Variants in ZNF254 observed in about 807,000 individuals in gnomAD.
The protein encoded by ZNF254 is CTD-2017D11.1.
A neutral mutation model predicts 12.4 loss-of-function variants in ZNF254; 10 were observed. That is an observed-to-expected ratio of 0.80 (90% CI 0.50 to 1.36). The LOEUF is 1.36. ZNF254 is among the 40% of genes most tolerant of loss of function. The probability of loss-of-function intolerance (pLI) is 0.00; values close to 1 mark genes in which losing one functional copy is unlikely to be tolerated. For missense variants in ZNF254, 996 were observed against 763.9 expected (o/e 1.30, Z -3.58); for synonymous variants, 305 against 253.4 (o/e 1.20, Z -1.93).
At chr19:24,033,813 G>T (rs74568507) in intron 1 of ZNF254, among the ~76,000 whole-genome samples, 1 of 152,190 alleles carries the variant, frequency 6.6e-6, no homozygotes, top group African/African-American at 2.4e-5. Flanking sequence ...TCCCTGCGGC[G>T]CCCAGTCTGG....
chr19:24,125,304 CT>C (rs1393383170), intron 3 of ZNF254, among the ~76,000 whole-genome samples: 1 of 134,000 alleles, frequency 7.5e-6, no homozygotes, highest in Non-Finnish European at 1.6e-5. Flanking sequence ...GATATCTTAA[CT>C]ATTTTTTATT....
chr19:24,043,235 A>G (rs1599574578), intron 1 of ZNF254, among the ~76,000 whole-genome samples: 1 of 152,122 alleles, frequency 6.6e-6, no homozygotes, highest in African/African-American at 2.4e-5. Flanking sequence ...TAAAAATCTA[A>G]AATATAACAT....
chr19:24,105,853 C>T, intron 1 of ZNF254, 87 bp from the exon 2 acceptor site: 1 of 1,525,980 alleles, frequency 6.6e-7, no homozygotes, highest in Non-Finnish European at 8.9e-7. Context: ...AGAACCAGTT[C>T]TATTTACTCT....
At chr19:24,081,861 G>T (rs976395070) in intron 2 of ZNF254, among the ~76,000 whole-genome samples, 2 of 152,124 alleles carry the variant, frequency 1.3e-5, no homozygotes, top group African/African-American at 4.8e-5. Context: ...AGTATCTCAC[G>T]CCTGTAATCC....
At chr19:24,111,704 T>G (rs891618369) in intron 3 of ZNF254, among the ~76,000 whole-genome samples, 3 of 152,258 alleles carry the variant, frequency 2.0e-5, no homozygotes, top group Admixed American at 6.5e-5. Flanking sequence ...TGATGGCCAG[T>G]GATGATGAGC....
chr19:24,112,630 C>A (rs936093022), intron 3 of ZNF254, among the ~76,000 whole-genome samples: 3 of 151,516 alleles, frequency 2.0e-5, no homozygotes. Context: ...TTTCATTGAG[C>A]AGTGGTTTGT....
At chr19:24,053,835 C>T (rs1324379464) in intron 2 of ZNF254, among the ~76,000 whole-genome samples, 10 of 151,766 alleles carry the variant, frequency 6.6e-5, no homozygotes, top group Non-Finnish European at 1.2e-4. Flanking sequence ...GGGAGGATTG[C>T]GGCATATCAC....
chr19:24,055,900 T>A (rs1463394062), intron 2 of ZNF254, among the ~76,000 whole-genome samples: 1 of 152,202 alleles, frequency 6.6e-6, no homozygotes, highest in African/African-American at 2.4e-5. Context: ...CTCCTTTACC[T>A]AAAACCGGAA....
chr19:24,125,104 G>A (rs1974738480), intron 3 of ZNF254, among the ~76,000 whole-genome samples: 1 of 151,922 alleles, frequency 6.6e-6, no homozygotes, highest in Admixed American at 6.6e-5. Flanking sequence ...AGTTTTATCT[G>A]GCAGCTTCAA....
In ZNF254 at chr19:24,048,003, C is replaced by CTTTTTTTTTTTTTTTTTT. The variant is rs398034320; in HGVS notation, c.-94+1730_-94+1747dup. ...CACCCGGCTCTTTTTTTCTTTTCTT[C>CTTTTTTTTTTTTTTTTTT]TTTTTTTTTTTTTTTTTTTTTTTGC... On this transcript the variant is annotated intron_variant, in intron 2 of 4. Transcript: ENST00000613065. 2.5e-3 allele frequency among the ~76,000 whole-genome samples: 175 copies of CTTTTTTTTTTTTTTTTTT among 68,806 alleles called. 7 individuals carry two copies. The highest frequency in any genetic ancestry group is 4.6e-3 in the South Asian group (7 of 1,532). 45.1% of individuals were successfully genotyped at this position (68,806 alleles called of 152,430 possible). A position where few individuals can be genotyped will look rare whatever the true frequency, so the allele number is the denominator to read the frequency against.
intron 2 of ZNF254, among the ~76,000 whole-genome samples, chr19:24,049,709 C>T (rs764790725): frequency 1.3e-5 from 2 of 152,016 alleles, no homozygotes; most frequent in Non-Finnish European, 2.9e-5. Flanking sequence ...TTATGTGACT[C>T]TTCTGCCTGT....
intron 1 of ZNF254, among the ~76,000 whole-genome samples, chr19:24,041,681 CA>C (rs1970170094): frequency 6.6e-6 from 1 of 152,264 alleles, no homozygotes; most frequent in African/African-American, 2.4e-5. Context: ...ATCGACCACC[CA>C]AGGGCTGAGG....
intron 1 of ZNF254, among the ~76,000 whole-genome samples, chr19:24,088,814 G>A (rs182159871): frequency 2.0e-5 from 3 of 151,662 alleles, no homozygotes; most frequent in Admixed American, 1.3e-4. Flanking sequence ...CCGCCCCCAC[G>A]CCTGGCTAAT....
At chr19:24,105,859 A>G in intron 1 of ZNF254, 81 bp from the exon 2 acceptor site, 1 of 1,532,494 alleles carries the variant, frequency 6.5e-7, no homozygotes, top group East Asian at 2.5e-5. Context: ...AGTTCTATTT[A>G]CTCTAATTTT....
At chr19:24,075,682 G>C (rs1971634317) in intron 2 of ZNF254, among the ~76,000 whole-genome samples, 1 of 152,200 alleles carries the variant, frequency 6.6e-6, no homozygotes, top group South Asian at 2.1e-4. Context: ...CATTGTCATT[G>C]ATAAACATCT....
Position 24,127,833 on chromosome 19 carries a change from T to C in ZNF254, c.1833T>C (p.Phe611=). 1 of 1,613,408 alleles carries C rather than the reference T, an allele frequency of 6.2e-7. No individual in the cohort carries two copies. The highest frequency in any genetic ancestry group is 8.5e-7 in the Non-Finnish European group (1 of 1,179,752). ...AATGTGAAGAATGTGGCAAAGCATT[T>C]TTCTGGTCCTCAACCCTAACTAAAC... ...PYKCEECGKA[F]FWSSTLTKHK... is the part of the protein sequence containing the mutation. Residue 611 remains phenylalanine, a synonymous_variant, in exon 4 of 4, where the codon TTT becomes TTC. Transcript: ENST00000357002.
chr19:24,033,964 T>TTAA (rs1969862007), intron 1 of ZNF254, among the ~76,000 whole-genome samples: 1 of 152,224 alleles, frequency 6.6e-6, no homozygotes, highest in African/African-American at 2.4e-5. Context: ...GTCTCTTTTC[T>TTAA]TAAACATTTT....
chr19:24,049,208 A>ATTT (rs1370365405), intron 2 of ZNF254, among the ~76,000 whole-genome samples: 4 of 47,552 alleles, frequency 8.4e-5, no homozygotes, highest in African/African-American at 4.2e-4. Context: ...ATATATATAT[A>ATTT]TATATATTTT....
rs1367448826 is a variant in ZNF254, at chr19:24,127,779, G to T, written c.1779G>T (p.Lys593Asn). 1.9e-6 allele frequency: 3 copies of T among 1,612,386 alleles called. No individual in the cohort carries two copies. The highest frequency in any genetic ancestry group is 4.5e-5 in the East Asian group (2 of 44,766). The change falls in exon 4 of 4, where the codon AAG becomes AAT. Residue 593 changes from lysine to asparagine, a missense_variant. Lys to Asn is a moderately conservative substitution (Grantham distance 94, BLOSUM62 0). Transcript: ENST00000357002. ...FNRSSTFTKH[K>N]VIHTGVKPYK... ...GGTCTTCAACTTTTACTAAACATAA[G>T]GTAATTCATACTGGAGTAAAACCCT...
Sources: allele counts gnomAD v4.1 joint callset (sites outside exome capture counted in the v4.1 genomes callset), GRCh38; gene constraint gnomAD v4.1.1; transcripts MANE v1.5; gene names NCBI Gene and HGNC (gene_info 2026-07-23, HGNC 2026-07-21).